CALN1: variants seen among roughly 807,000 people sequenced by gnomAD.
The protein encoded by CALN1 is calneuron 1, also known as calcium-binding protein 8.
Under a neutral mutation model 30.6 loss-of-function variants are expected in CALN1, and 17 were observed. The observed-to-expected ratio is 0.56, with a 90% CI of 0.38 to 0.83. CALN1 has a LOEUF of 0.83. CALN1 is among the 40% of genes least tolerant of loss of function. The probability of loss-of-function intolerance (pLI) is 0.00; values close to 1 mark genes in which losing one functional copy is unlikely to be tolerated. For synonymous variants in CALN1, 156 were observed against 131.4 expected (o/e 1.19, Z -1.28); for missense variants, 291 against 354.9 (o/e 0.82, Z 1.45).
intron 3 of CALN1, among the ~76,000 whole-genome samples, chr7:72,242,751 G>A (rs910503626): frequency 2.0e-5 from 3 of 152,090 alleles, no homozygotes; most frequent in Admixed American, 6.6e-5. Flanking sequence ...ATACAGGCGT[G>A]GTGGCATGTG....
chr7:72,320,465 G>A (rs368540954), intron 2 of CALN1, among the ~76,000 whole-genome samples: 1 of 152,260 alleles, frequency 6.6e-6, no homozygotes. Flanking sequence ...AAGCAGAAAA[G>A]AGCCACGGTC....
At chr7:72,026,616 ATGTT>A (rs1801075554) in intron 4 of CALN1, among the ~76,000 whole-genome samples, 1 of 151,732 alleles carries the variant, frequency 6.6e-6, no homozygotes, top group East Asian at 2.0e-4. Flanking sequence ...GGGTCTTGCT[ATGTT>A]GCCCAGGCTG....
intron 3 of CALN1, among the ~76,000 whole-genome samples, chr7:72,146,033 C>T (rs1406251320): frequency 6.6e-6 from 1 of 152,188 alleles, no homozygotes. Context: ...TGGGCAAAAA[C>T]TGGAAGCATT....
chr7:71,953,808 G>C (rs1320833953), intron 5 of CALN1, among the ~76,000 whole-genome samples: 2 of 151,994 alleles, frequency 1.3e-5, no homozygotes, highest in Non-Finnish European at 2.9e-5. Context: ...TGATGGGGCT[G>C]GGCTGATGTT....
Position 72,247,219 on chromosome 7 carries a change from T to TTTTC in CALN1, c.244+31463_244+31466dup, listed in dbSNP as rs1392271579. On this transcript the variant is annotated intron_variant, in intron 3 of 6. Transcript: ENST00000395275. ...TCTGGCAAGGGTTTTCAACAGACCATTTTCTTTCTTTTTTTTTTTTTTTTT... is the reference window on the plus strand; with the variant it reads ...TCTGGCAAGGGTTTTCAACAGACCATTTTCTTTCTTTCTTTTTTTTTTTTTTTTT... Among the ~76,000 whole-genome samples the TTTTC allele has an allele frequency of 3.8e-4, 46 of 121,042 alleles. 1 individual carries two copies. The highest frequency in any genetic ancestry group is 5.8e-4 in the African/African-American group (17 of 29,552). 79.4% of individuals were successfully genotyped at this position (121,042 alleles called of 152,430 possible).
At chr7:71,850,694 AT>A (rs1442489212) in intron 5 of CALN1, among the ~76,000 whole-genome samples, 4 of 152,206 alleles carry the variant, frequency 2.6e-5, no homozygotes. Flanking sequence ...GGAGTTCAAT[AT>A]TTGGCAGGCA....
At chr7:72,097,527 G>C (rs896790676) in intron 4 of CALN1, among the ~76,000 whole-genome samples, 13 of 152,004 alleles carry the variant, frequency 8.6e-5, no homozygotes, top group Admixed American at 3.3e-4. Context: ...TTCAGCTGTG[G>C]CTGGGTGTGG....
chr7:72,335,198 CAAG>C (rs1407051148), intron 2 of CALN1, among the ~76,000 whole-genome samples: 3 of 152,184 alleles, frequency 2.0e-5, no homozygotes, highest in Non-Finnish European at 2.9e-5. Flanking sequence ...ACGAACAAGC[CAAG>C]AAGGAGAGCT....
intron 6 of CALN1, among the ~76,000 whole-genome samples, chr7:71,800,351 G>A (rs892332345): frequency 2.0e-5 from 3 of 152,160 alleles, no homozygotes; most frequent in East Asian, 3.9e-4. Flanking sequence ...GGCTTCCTGG[G>A]GCTGCCTGGC....
At chr7:71,987,675 G>A (rs1198662790) in intron 5 of CALN1, among the ~76,000 whole-genome samples, 2 of 152,222 alleles carry the variant, frequency 1.3e-5, no homozygotes, top group Non-Finnish European at 2.9e-5. Context: ...ACTGTCCTCA[G>A]GGAGAAGTGG....
intron 4 of CALN1, among the ~76,000 whole-genome samples, chr7:72,042,921 A>G (rs889234180): frequency 1.3e-5 from 2 of 152,128 alleles, no homozygotes; most frequent in Admixed American, 6.6e-5. Flanking sequence ...CATCCTAAGG[A>G]TATCTTGCTA....
At chr7:71,942,807 G>A (rs1404587800) in intron 5 of CALN1, among the ~76,000 whole-genome samples, 1 of 152,066 alleles carries the variant, frequency 6.6e-6, no homozygotes, top group Non-Finnish European at 1.5e-5. Flanking sequence ...ACCTAAAGCC[G>A]GGAACTGCTT....
In CALN1 at chr7:72,359,976, C is replaced by CAAAAAAAAAAAAAAAAAA. The variant is rs750054515; in HGVS notation, c.119+43274_119+43275insTTTTTTTTTTTTTTTTTT. ...TGGGTGACAGAGTGAGACTCCATCT[C>CAAAAAAAAAAAAAAAAAA]AAAAAAAAAAAAAAACCAAAGTTGA... On this transcript the variant is annotated intron_variant, in intron 2 of 6. Transcript: ENST00000395275. Among the ~76,000 whole-genome samples the CAAAAAAAAAAAAAAAAAA allele has an allele frequency of 1.3e-3, 83 of 63,850 alleles. 5 individuals are homozygous for CAAAAAAAAAAAAAAAAAA. Among genetic ancestry groups the CAAAAAAAAAAAAAAAAAA allele is most frequent in the African/African-American group, 5.3e-3 (62 of 11,606 alleles). The allele number at this position is 63,850 out of a possible 152,430, so 41.9% of individuals were successfully genotyped here. A position where few individuals can be genotyped will look rare whatever the true frequency, so the allele number is the denominator to read the frequency against.
chr7:71,814,056 T>C (rs1440759918), intron 5 of CALN1, among the ~76,000 whole-genome samples: 5 of 151,094 alleles, frequency 3.3e-5, no homozygotes, highest in East Asian at 2.0e-4. Flanking sequence ...AGTACAAGAA[T>C]AGTGGAAAAG....
intron 3 of CALN1, among the ~76,000 whole-genome samples, chr7:72,201,207 T>C (rs930709633): frequency 6.6e-6 from 1 of 152,152 alleles, no homozygotes; most frequent in Admixed American, 6.5e-5. Flanking sequence ...TTCTCACTTA[T>C]AAGTAAGAAC....
chr7:71,882,679 T>TA (rs746524699), intron 5 of CALN1, among the ~76,000 whole-genome samples: 3,872 of 146,072 alleles, frequency 0.027, 56 homozygotes, highest in African/African-American at 0.039. Context: ...TTGTCCTACT[T>TA]AAAAAAAAAA....
chr7:72,392,166 A>C (rs906444274), intron 2 of CALN1, among the ~76,000 whole-genome samples: 1 of 152,140 alleles, frequency 6.6e-6, no homozygotes, highest in Non-Finnish European at 1.5e-5. Flanking sequence ...CTCCCAGCTG[A>C]GCTAGTCCTT....
At chr7:72,357,194 G>A (rs1048866098) in intron 2 of CALN1, among the ~76,000 whole-genome samples, 1 of 151,938 alleles carries the variant, frequency 6.6e-6, no homozygotes, top group African/African-American at 2.4e-5. Flanking sequence ...AATGAAATAT[G>A]ATGCTGGAGT....
intron 3 of CALN1, among the ~76,000 whole-genome samples, chr7:72,150,211 T>G (rs1287154546): frequency 6.6e-6 from 1 of 151,950 alleles, no homozygotes; most frequent in Non-Finnish European, 1.5e-5. Flanking sequence ...ACGAATCTTT[T>G]GCATATGCAA....
Sources: gnomAD v4.1 joint callset for allele counts (sites outside exome capture counted in the v4.1 genomes callset) on GRCh38, gnomAD v4.1.1 for gene constraint, MANE v1.5 for transcripts, NCBI Gene and HGNC (gene_info 2026-07-23, HGNC 2026-07-21) for gene names.